The following FCER2 variants were observed in gnomAD, a reference collection of about 807,000 sequenced individuals.
FCER2 encodes the protein Fc epsilon receptor II.
FCER2 carries 38 observed loss-of-function variants against 49.7 expected under a neutral mutation model. The observed-to-expected ratio is 0.76, with a 90% CI of 0.59 to 1.00. The LOEUF (loss-of-function observed/expected upper bound fraction) is 1.00, where lower values mean the gene tolerates loss of function less well. FCER2 is among the 50% of genes least tolerant of loss of function. The pLI is 0.00. For synonymous variants in FCER2, 163 were observed against 164.6 expected (o/e 0.99, Z 0.07); for missense variants, 425 against 419.5 (o/e 1.01, Z -0.11).
At chr19:7,693,891 C>T (rs2146273062) in intron 8 of FCER2, among the ~76,000 whole-genome samples, 1 of 152,006 alleles carries the variant, frequency 6.6e-6, no homozygotes, top group East Asian at 2.0e-4. Flanking sequence ...TCATGTGATC[C>T]ACCTGCCTCG....
intron 1 of FCER2, among the ~76,000 whole-genome samples, chr19:7,700,333 C>T (rs2033125915): frequency 6.6e-6 from 1 of 152,130 alleles, no homozygotes; most frequent in African/African-American, 2.4e-5. Flanking sequence ...AATGAGATCA[C>T]AGCATACCTG....
At chr19:7,696,952 C>G (rs2033030673) in intron 7 of FCER2, 38 bp from the exon 8 acceptor site, 1 of 1,561,500 alleles carries the variant, frequency 6.4e-7, no homozygotes, top group Non-Finnish European at 8.7e-7. Flanking sequence ...CAGAGACCAA[C>G]TGGCAGGCCC....
rs941811076 is a variant in FCER2, at chr19:7,689,391, G to T, written c.768C>A (p.Gly256=). The change falls in exon 11 of 11, where the codon GGC becomes GGA. Residue 256 remains glycine (G), a synonymous_variant. Coordinates refer to ENST00000597921, the MANE Select transcript of FCER2 (RefSeq NM_001220500.2). ...APGEPTSRSQ[G]EDCVMMRGSG... ...AGCCCCGCATCATCACGCAGTCCTC[G>T]CCCTGGCTCCGGCTGGTGGGCTCCC... 1.0e-5 allele frequency: 16 copies of T among 1,604,786 alleles called. No individual in the cohort carries two copies. Among genetic ancestry groups the T allele is most frequent in the Admixed American group, 1.7e-5 (1 of 59,010 alleles).
Position 7,699,777 on chromosome 19 carries a change from T to C in FCER2, c.-17A>G. 6.2e-7 allele frequency: 1 copy of C among 1,613,428 alleles called. No homozygotes were observed. The highest frequency in any genetic ancestry group is 8.5e-7 in the Non-Finnish European group (1 of 1,179,410). The stretch of plus-strand genomic sequence containing the variant: ...TTCCTCCATGGCGGTCCTGCTTGGA[T>C]TCTCCCGATGATGGAGCACTCACTC... On this transcript the variant is annotated 5_prime_UTR_variant, in exon 2 of 11. Transcript: ENST00000597921.
intron 8 of FCER2, among the ~76,000 whole-genome samples, chr19:7,693,558 G>C (rs1393244976): frequency 1.3e-5 from 2 of 152,022 alleles, no homozygotes; most frequent in Non-Finnish European, 2.9e-5. Context: ...ACCAGCCTGG[G>C]CAACATAGCA....
In FCER2 at chr19:7,697,094, C is replaced by T. The variant is rs1446271765; in HGVS notation, c.317-19G>A. ...TCCAAGTCTGGTGTGTGCAGGAGCG[C>T]AGGGCTGGTCTCAGGGAGGATGTGT... On this transcript the variant is annotated intron_variant, in intron 6 of 10. Coordinates refer to ENST00000597921, the MANE Select transcript of FCER2 (RefSeq NM_001220500.2). 1 of 1,613,554 alleles carries T rather than the reference C, an allele frequency of 6.2e-7. No individual in the cohort carries two copies. The highest frequency in any genetic ancestry group is 8.5e-7 in the Non-Finnish European group (1 of 1,179,614).
At chr19:7,701,259 G>C (rs777532255) in intron 1 of FCER2, among the ~76,000 whole-genome samples, 1 of 152,086 alleles carries the variant, frequency 6.6e-6, no homozygotes, top group Non-Finnish European at 1.5e-5. Context: ...GGTGTGGCGC[G>C]GCCAGGCTCT....
rs2146279144 is a variant in FCER2, at chr19:7,697,317, G to A, written c.254-19C>T. The A allele has an allele frequency of 1.2e-6, 2 of 1,613,198 alleles. No individual in the cohort carries two copies. The highest frequency in any genetic ancestry group is 2.2e-5 in the East Asian group (1 of 44,894). ...TGCGTGGCTGTTTGCAGGGGAGGGGGCTTCATGGTAAGCAGGTCCTCATTG... is the reference window on the plus strand; with the variant it reads ...TGCGTGGCTGTTTGCAGGGGAGGGGACTTCATGGTAAGCAGGTCCTCATTG... On this transcript the variant is annotated intron_variant, in intron 5 of 10. Coordinates refer to ENST00000597921, the MANE Select transcript of FCER2 (RefSeq NM_001220500.2).
intron 4 of FCER2, 146 bp downstream of exon 4, chr19:7,698,210 G>C: frequency 1.7e-6 from 1 of 574,732 alleles, no homozygotes; most frequent in East Asian, 3.0e-5. Flanking sequence ...AAGCTTCCCT[G>C]GGTCCCCGCC....
intron 1 of FCER2, 46 bp from the exon 2 acceptor site, chr19:7,699,891 G>C: frequency 2.4e-6 from 2 of 836,346 alleles, no homozygotes; most frequent in South Asian, 1.4e-5. Flanking sequence ...TCAAATCCTA[G>C]TTACCAGCAC....
intron 2 of FCER2, 65 bp from the exon 3 acceptor site, chr19:7,698,919 C>T (rs2033091527): frequency 4.6e-6 from 7 of 1,512,766 alleles, no homozygotes; most frequent in Admixed American, 2.0e-5. Context: ...CTGTCCGTCT[C>T]TCCATTACCC....
At chr19:7,693,537 A>G (rs1436153612) in intron 8 of FCER2, among the ~76,000 whole-genome samples, 4 of 151,990 alleles carry the variant, frequency 2.6e-5, no homozygotes, top group Admixed American at 6.6e-5. Flanking sequence ...GCTTGAGCCC[A>G]GGAGTTTGAG....
rs777601130 is a variant in FCER2, at chr19:7,689,320, C to G, written c.839G>C (p.Trp280Ser). The change falls in exon 11 of 11, where the codon TGG (tryptophan) becomes TCG (serine). Residue 280 changes from tryptophan to serine, a missense_variant. Coordinates refer to ENST00000597921, the MANE Select transcript of FCER2 (RefSeq NM_001220500.2). ...DAFCDRKLGA[W>S]VCDRLATCTP... ...GCATGTGGCCAGCCGGTCGCACACCCAGGCGCCCAGCTTACGGTCGCAGAA... is the reference window on the plus strand; with the variant it reads ...GCATGTGGCCAGCCGGTCGCACACCGAGGCGCCCAGCTTACGGTCGCAGAA... 6.2e-7 allele frequency: 1 copy of G among 1,613,234 alleles called. No individual in the cohort carries two copies. The highest frequency in any genetic ancestry group is 2.2e-5 in the East Asian group (1 of 44,864).
intron 2 of FCER2, 82 bp downstream of exon 2, chr19:7,699,657 G>GA (rs1195710816): frequency 7.5e-6 from 10 of 1,333,918 alleles, no homozygotes; most frequent in Non-Finnish European, 1.0e-5. Flanking sequence ...AGGGACTGGG[G>GA]AGCCCCGCTT....
chr19:7,690,818 ACCT>A (rs1466859196), intron 8 of FCER2, among the ~76,000 whole-genome samples: 4 of 152,032 alleles, frequency 2.6e-5, no homozygotes, highest in African/African-American at 9.7e-5. Context: ...GACCATCAAC[ACCT>A]CAACTACCAT....
In FCER2 at chr19:7,696,912, A is replaced by G. The variant is rs772177851; in HGVS notation, c.382T>C (p.Leu128=). Residue 128 remains leucine, a splice_region_variant and synonymous_variant, in exon 8 of 11, where the codon TTG becomes CTG. Coordinates refer to ENST00000597921, the MANE Select transcript of FCER2 (RefSeq NM_001220500.2). The part of the protein sequence containing the change: ...ADLSSFKSQE[L]NERNEASDLL... ...TCTGAAGCTTCGTTCCTCTCGTTCA[A>G]TTCTTGGGGAGTCAACAAGGGGCGG... 8.9e-6 allele frequency: 14 copies of G among 1,579,914 alleles called. No homozygotes were observed. The Admixed American group carries it at 1.1e-4, about 12-fold the overall frequency.
At chr19:7,689,602 CTTAT>C (rs1415153958) in intron 10 of FCER2, among the ~76,000 whole-genome samples, 172 bp from the exon 11 acceptor site, 3 of 152,144 alleles carry the variant, frequency 2.0e-5, no homozygotes, top group East Asian at 1.9e-4. Flanking sequence ...AAGACTCACC[CTTAT>C]TTATTTGTTT....
At chr19:7,695,282 G>A (rs1180478060) in intron 8 of FCER2, among the ~76,000 whole-genome samples, 6 of 152,092 alleles carry the variant, frequency 3.9e-5, no homozygotes, top group African/African-American at 7.2e-5. Flanking sequence ...CATTACCCCC[G>A]TCTGGCTCCC....
rs962070122 is a variant in FCER2, at chr19:7,689,099, G to A, written c.*94C>T. ...GTCAGCTGCCTCCGTTTGGGTGGCA[G>A]AAAATGTCACAGGGACCTTTCAGCC... is the stretch of plus-strand genomic sequence containing the variant. On this transcript the variant is annotated 3_prime_UTR_variant, in exon 11 of 11. Transcript: ENST00000597921. 3 of 894,044 alleles carry A rather than the reference G, an allele frequency of 3.4e-6. No individual in the cohort carries two copies. Among genetic ancestry groups the A allele is most frequent in the Non-Finnish European group, 5.3e-6 (3 of 567,530 alleles). 55.4% of individuals were successfully genotyped at this position (894,044 alleles called of 1,614,324 possible).
Sources: allele counts gnomAD v4.1 joint callset (sites outside exome capture counted in the v4.1 genomes callset), GRCh38; gene constraint gnomAD v4.1.1; transcripts MANE v1.5; gene names NCBI Gene and HGNC (gene_info 2026-07-23, HGNC 2026-07-21).